The following TBC1D32 variants were observed in gnomAD, a reference collection of about 807,000 sequenced individuals.
TBC1D32 encodes protein broad-minded.
A neutral mutation model predicts 170.3 loss-of-function variants in TBC1D32; 151 were observed. The ratio of observed to expected loss-of-function variants is 0.89; its 90% CI spans 0.78 to 1.01. TBC1D32 has a LOEUF of 1.01. TBC1D32 is among the 50% of genes least tolerant of loss of function. The probability of loss-of-function intolerance (pLI) is 0.00; values close to 1 mark genes in which losing one functional copy is unlikely to be tolerated. For missense variants in TBC1D32, 1,464 were observed against 1,457.1 expected (o/e 1.00, Z -0.08); for synonymous variants, 498 against 488.0 (o/e 1.02, Z -0.27).
chr6:121,169,325 T>G (rs1456561836), intron 22 of TBC1D32, among the ~76,000 whole-genome samples: 1 of 152,152 alleles, frequency 6.6e-6, no homozygotes, highest in African/African-American at 2.4e-5. Flanking sequence ...AGGAAAGGAT[T>G]CTCTACTTAA....
chr6:121,191,915 T>A (rs1295634221), intron 22 of TBC1D32, among the ~76,000 whole-genome samples: 2 of 151,942 alleles, frequency 1.3e-5, no homozygotes, highest in Non-Finnish European at 2.9e-5. Context: ...GCCTACATCT[T>A]TCTCCTGTGC....
chr6:121,230,192 A>G (rs1451676127), intron 20 of TBC1D32, among the ~76,000 whole-genome samples: 1 of 152,156 alleles, frequency 6.6e-6, no homozygotes, highest in Non-Finnish European at 1.5e-5. Context: ...AAGATAATCA[A>G]TTGATTCTCG....
At chr6:121,122,174 G>C (rs1052348543) in intron 26 of TBC1D32, among the ~76,000 whole-genome samples, 4 of 151,390 alleles carry the variant, frequency 2.6e-5, no homozygotes, top group African/African-American at 9.7e-5. Flanking sequence ...AATTCTGTTG[G>C]CCCTATCTTT....
chr6:121,162,812 C>T lies in TBC1D32; in HGVS notation c.2571-1756G>A, dbSNP rs907525564. Among the ~76,000 whole-genome samples the T allele has an allele frequency of 9.0e-5, 9 of 100,200 alleles. 1 individual carries two copies. The highest frequency in any genetic ancestry group is 2.7e-4 in the African/African-American group (9 of 33,296). 65.7% of individuals were successfully genotyped at this position (100,200 alleles called of 152,430 possible). A position where few individuals can be genotyped will look rare whatever the true frequency, so the allele number is the denominator to read the frequency against. ...ATTTCTGCATTTCCATCTGAGGTAC[C>T]GGGTGCATCTCACTAGGGAGTGCCA... On this transcript the variant is annotated intron_variant, in intron 22 of 31. Coordinates refer to ENST00000398212, the MANE Select transcript of TBC1D32 (RefSeq NM_152730.6).
intron 14 of TBC1D32, among the ~76,000 whole-genome samples, chr6:121,281,323 AC>A (rs67862517): frequency 0.16 from 24,482 of 151,234 alleles, 2,679 homozygotes; most frequent in East Asian, 0.52. Context: ...TTAAAAAAAA[AC>A]TTAGATATTC....
At chr6:121,295,098 T>G (rs956034702) in intron 10 of TBC1D32, among the ~76,000 whole-genome samples, 2 of 151,754 alleles carry the variant, frequency 1.3e-5, no homozygotes, top group Non-Finnish European at 2.9e-5. Context: ...TAAAAACTGA[T>G]AAAAGAAAAT....
rs762025267 is a variant in TBC1D32 at position 121,080,766 on chromosome 6, A to G, written c.*5T>C. 1 of 1,606,350 alleles carries G rather than the reference A, an allele frequency of 6.2e-7. No individual in the cohort carries two copies. The highest frequency in any genetic ancestry group is 8.5e-7 in the Non-Finnish European group (1 of 1,177,758). ...AACCTAAATTTAAACCGTGTGTCTC[A>G]TGATCTATGTGCTCTGCAGTCTAAT... On this transcript the variant is annotated 3_prime_UTR_variant, in exon 32 of 32. Coordinates refer to ENST00000398212, the MANE Select transcript of TBC1D32 (RefSeq NM_152730.6).
intron 23 of TBC1D32, among the ~76,000 whole-genome samples, 197 bp from the exon 24 acceptor site, chr6:121,160,300 A>C (rs1363832615): frequency 1.3e-5 from 2 of 152,218 alleles, no homozygotes; most frequent in Non-Finnish European, 2.9e-5. Context: ...GCTGTAACAG[A>C]AACAATATTA....
At chr6:121,217,706 C>A (rs1355927826) in intron 21 of TBC1D32, among the ~76,000 whole-genome samples, 2 of 151,996 alleles carry the variant, frequency 1.3e-5, no homozygotes, top group African/African-American at 4.8e-5. Context: ...AGGCTTAGTA[C>A]CTGGGTGATG....
At position 121,330,650 on chromosome 6, in the gene TBC1D32, T is replaced by TTTGC. The variant is rs1342589186; in HGVS notation, c.155+3622_155+3625dup. Among the ~76,000 whole-genome samples, 9 of 152,266 alleles carry TTTGC rather than the reference T, an allele frequency of 5.9e-5. No homozygotes were observed. The East Asian group carries it at 1.5e-3, about 26-fold the overall frequency. ...TGCACATTAGACTTACATAGAAAGC[T>TTTGC]TTGCTTTAAAACCTCCAGGGCCCAG... On this transcript the variant is annotated intron_variant, in intron 1 of 31. Transcript: ENST00000398212.
At chr6:121,144,656 T>C (rs1783190859) in intron 24 of TBC1D32, among the ~76,000 whole-genome samples, 1 of 152,058 alleles carries the variant, frequency 6.6e-6, no homozygotes. Context: ...CTAGGAGAAA[T>C]GTCAAGTAGA....
At chr6:121,091,573 C>T (rs951538007) in intron 30 of TBC1D32, among the ~76,000 whole-genome samples, 3 of 152,026 alleles carry the variant, frequency 2.0e-5, no homozygotes, top group Non-Finnish European at 2.9e-5. Flanking sequence ...AAAAATGAGA[C>T]TTTTACAAAA....
At chr6:121,257,047 G>A (rs979476983) in intron 15 of TBC1D32, among the ~76,000 whole-genome samples, 3 of 152,178 alleles carry the variant, frequency 2.0e-5, no homozygotes, top group Non-Finnish European at 2.9e-5. Context: ...TCAATGGTGC[G>A]CATTAGATTG....
intron 24 of TBC1D32, among the ~76,000 whole-genome samples, chr6:121,133,680 T>C (rs997293147): frequency 2.0e-5 from 3 of 152,062 alleles, no homozygotes; most frequent in Admixed American, 6.6e-5. Flanking sequence ...TACTCTCTCA[T>C]ACAAACACAT....
intron 13 of TBC1D32, among the ~76,000 whole-genome samples, chr6:121,282,173 C>T (rs1803111104): frequency 6.6e-6 from 1 of 151,464 alleles, no homozygotes; most frequent in African/African-American, 2.4e-5. Flanking sequence ...CTTTTATAGA[C>T]ACTAGTATAC....
rs199812961 is a variant in TBC1D32, at chr6:121,274,512, GA to G, written c.1733+4608del. On this transcript the variant is annotated intron_variant, in intron 15 of 31. Coordinates refer to ENST00000398212, the MANE Select transcript of TBC1D32 (RefSeq NM_152730.6). ...TCCAAGTTCAAATAATAGAATTTCA[GA>G]AAAAAAAAAAGAAGAAATCCAACTA... Among the ~76,000 whole-genome samples the G allele has an allele frequency of 4.7e-4, 65 of 139,636 alleles. 2 individuals carry two copies. The highest frequency in any genetic ancestry group is 3.7e-3 in the East Asian group (18 of 4,832). The allele number at this position is 139,636 out of a possible 152,430, so 91.6% of individuals were successfully genotyped here.
At chr6:121,298,573 G>A (rs931985629) in intron 10 of TBC1D32, among the ~76,000 whole-genome samples, 1 of 151,952 alleles carries the variant, frequency 6.6e-6, no homozygotes, top group Non-Finnish European at 1.5e-5. Flanking sequence ...ATCAAATGTG[G>A]AAAAACCTAT....
intron 21 of TBC1D32, among the ~76,000 whole-genome samples, chr6:121,216,913 G>A (rs1793899721): frequency 6.6e-6 from 1 of 152,160 alleles, no homozygotes; most frequent in African/African-American, 2.4e-5. Context: ...CTATTATGTT[G>A]GGAAAGATAA....
chr6:121,230,160 G>T lies in TBC1D32; in HGVS notation c.2365-6808C>A, dbSNP rs556500163. ...ATACAGGAAAGGCACAATAAATGCT[G>T]TTATTTTATTAAACAAGTTTCAAGA... On this transcript the variant is annotated intron_variant, in intron 20 of 31. Transcript: ENST00000398212. 5.3e-4 allele frequency among the ~76,000 whole-genome samples: 81 copies of T among 152,188 alleles called. 1 individual carries two copies. The highest frequency in any genetic ancestry group is 3.4e-3 in the Middle Eastern group (1 of 294).
Sources: gnomAD v4.1 joint callset for allele counts (sites outside exome capture counted in the v4.1 genomes callset) on GRCh38, gnomAD v4.1.1 for gene constraint, MANE v1.5 for transcripts, NCBI Gene and HGNC (gene_info 2026-07-23, HGNC 2026-07-21) for gene names.